TOX3: variants seen among roughly 807,000 people sequenced by gnomAD.
TOX3 encodes the protein TOX high mobility group box family member 3.
TOX3 carries 22 observed loss-of-function variants against 64.3 expected under a neutral mutation model. The ratio of observed to expected loss-of-function variants is 0.34; its 90% CI spans 0.24 to 0.49. The LOEUF (loss-of-function observed/expected upper bound fraction) is 0.49, where lower values mean the gene tolerates loss of function less well. Among genes scored for constraint, TOX3 ranks in the 20% least tolerant of loss-of-function variants. The pLI is 0.99. For missense variants in TOX3, 661 were observed against 714.4 expected (o/e 0.93, Z 0.85); for synonymous variants, 291 against 273.6 (o/e 1.06, Z -0.63).
chr16:52,470,825 C>T (rs1420547), intron 1 of TOX3, among the ~76,000 whole-genome samples: 81,742 of 151,996 alleles, frequency 0.54, 22,325 homozygotes, highest in East Asian at 0.78. Context: ...CAAAGCACTC[C>T]TTGCATATCT....
intron 5 of TOX3, 139 bp downstream of exon 5, chr16:52,445,855 T>A: frequency 3.7e-6 from 3 of 813,252 alleles, no homozygotes; most frequent in Non-Finnish European, 5.7e-6. Flanking sequence ...ATGTCTGGGT[T>A]TTTAAATTCC....
chr16:52,496,453 A>C (rs1961852143), intron 1 of TOX3, among the ~76,000 whole-genome samples: 1 of 152,250 alleles, frequency 6.6e-6, no homozygotes. Flanking sequence ...AGTTGGCAGA[A>C]GTTTAAAAAG....
At chr16:52,452,319 T>C (rs1447408354) in intron 3 of TOX3, among the ~76,000 whole-genome samples, 1 of 152,198 alleles carries the variant, frequency 6.6e-6, no homozygotes, top group Non-Finnish European at 1.5e-5. Flanking sequence ...TTCCCACCTA[T>C]GAGTGAGAAC....
At chr16:52,542,293 T>C (rs1409452730) in intron 1 of TOX3, among the ~76,000 whole-genome samples, 4 of 152,226 alleles carry the variant, frequency 2.6e-5, no homozygotes, top group Non-Finnish European at 5.9e-5. Flanking sequence ...ACTGTCCACA[T>C]AGTTGCATGT....
At chr16:52,468,871 G>A (rs1960947030) in intron 1 of TOX3, among the ~76,000 whole-genome samples, 1 of 152,152 alleles carries the variant, frequency 6.6e-6, no homozygotes, top group Non-Finnish European at 1.5e-5. Flanking sequence ...TTATTGACCT[G>A]GCATTTGTGA....
chr16:52,453,639 G>A (rs1288172070), intron 3 of TOX3, among the ~76,000 whole-genome samples: 1 of 152,154 alleles, frequency 6.6e-6, no homozygotes, highest in Non-Finnish European at 1.5e-5. Flanking sequence ...GTGATCATCT[G>A]ATTTATGCAG....
chr16:52,469,681 T>C (rs1960982592), intron 1 of TOX3, among the ~76,000 whole-genome samples: 1 of 152,110 alleles, frequency 6.6e-6, no homozygotes, highest in South Asian at 2.1e-4. Context: ...GATAAATGGG[T>C]AGGTACATAG....
intron 1 of TOX3, among the ~76,000 whole-genome samples, chr16:52,518,607 T>A (rs1199240095): frequency 6.6e-6 from 1 of 152,234 alleles, no homozygotes; most frequent in African/African-American, 2.4e-5. Context: ...ATATCAATAT[T>A]CTCATACAGA....
chr16:52,481,825 T>C (rs989382600), intron 1 of TOX3, among the ~76,000 whole-genome samples: 1 of 152,212 alleles, frequency 6.6e-6, no homozygotes, highest in Non-Finnish European at 1.5e-5. Context: ...TTTTACCAGA[T>C]GGGTGATCAT....
rs185712886 is a variant in TOX3 at position 52,450,179 on chromosome 16, A to G, written c.678+98T>C. 3.6e-5 allele frequency: 52 copies of G among 1,432,696 alleles called. No individual in the cohort carries two copies. In the African/African-American group the frequency reaches 4.8e-4, roughly 13 times the overall value. The allele number at this position is 1,432,696 out of a possible 1,614,324, so 88.7% of individuals were successfully genotyped here. On this transcript the variant is annotated intron_variant, in intron 4 of 6. Coordinates refer to ENST00000219746, the MANE Select transcript of TOX3 (RefSeq NM_001080430.4). ...TACATTTAAATGCTACTCCAAATCC[A>G]TGAAGACAAACAAGATAACACCATG... is the stretch of plus-strand genomic sequence containing the variant.
chr16:52,457,732 T>A lies in TOX3; in HGVS notation c.408+6202A>T, dbSNP rs1226995600. On this transcript the variant is annotated intron_variant, in intron 3 of 6. Transcript: ENST00000219746. The stretch of plus-strand genomic sequence containing the variant: ...TCAAATAGTTATGCATAGCTACTAC[T>A]TTTGTAACTCCAATGGACCCTGACA... Among the ~76,000 whole-genome samples the A allele has an allele frequency of 2.0e-5, 3 of 152,316 alleles. No homozygotes were observed. In the East Asian group the frequency reaches 5.8e-4, roughly 29 times the overall value.
chr16:52,513,388 A>C (rs1962362769), intron 1 of TOX3, among the ~76,000 whole-genome samples: 1 of 152,248 alleles, frequency 6.6e-6, no homozygotes, highest in Non-Finnish European at 1.5e-5. Flanking sequence ...GAAATCTCTA[A>C]GACTAGGCCT....
At chr16:52,493,659 C>A (rs985625513) in intron 1 of TOX3, among the ~76,000 whole-genome samples, 3 of 152,122 alleles carry the variant, frequency 2.0e-5, no homozygotes, top group Non-Finnish European at 4.4e-5. Flanking sequence ...TTATCCTACT[C>A]CATCACAGAA....
chr16:52,520,703 A>AT (rs757256884), intron 1 of TOX3, among the ~76,000 whole-genome samples: 1 of 152,216 alleles, frequency 6.6e-6, no homozygotes, highest in Non-Finnish European at 1.5e-5. Flanking sequence ...ACATGTGGAC[A>AT]TTTTTGTAGC....
At chr16:52,471,900 T>A (rs956004730) in intron 1 of TOX3, among the ~76,000 whole-genome samples, 2 of 152,160 alleles carry the variant, frequency 1.3e-5, no homozygotes, top group Non-Finnish European at 2.9e-5. Flanking sequence ...AGGTTATAGA[T>A]TCAACCACGG....
At position 52,471,725 on chromosome 16, in the gene TOX3, G is replaced by A. The variant is rs1384821509; in HGVS notation, c.88-3151C>T. 3.9e-5 allele frequency among the ~76,000 whole-genome samples: 6 copies of A among 152,256 alleles called. No individual in the cohort carries two copies. The South Asian group carries it at 1.2e-3, about 32-fold the overall frequency. ...TTCACTTACTTTTTAAAAGATGATA[G>A]GAATAAGTATTTAGCCCAGTGACAC... On this transcript the variant is annotated intron_variant, in intron 1 of 6. Transcript: ENST00000219746.
intron 1 of TOX3, among the ~76,000 whole-genome samples, chr16:52,528,986 T>C (rs1179933680): frequency 2.0e-5 from 3 of 152,234 alleles, no homozygotes; most frequent in Non-Finnish European, 2.9e-5. Context: ...TCAGGGATCA[T>C]GGGATTTACA....
intron 1 of TOX3, among the ~76,000 whole-genome samples, chr16:52,479,967 A>G (rs1961321366): frequency 6.6e-6 from 1 of 152,130 alleles, no homozygotes. Flanking sequence ...CCCCTCCCCT[A>G]GCTGGACTGG....
intron 1 of TOX3, among the ~76,000 whole-genome samples, chr16:52,496,617 C>G (rs1201594906): frequency 6.6e-6 from 1 of 152,218 alleles, no homozygotes; most frequent in Non-Finnish European, 1.5e-5. Flanking sequence ...TTCAGCTGCA[C>G]AAACAGATTT....
Sources: gnomAD v4.1 joint callset for allele counts (sites outside exome capture counted in the v4.1 genomes callset) on GRCh38, gnomAD v4.1.1 for gene constraint, MANE v1.5 for transcripts, NCBI Gene and HGNC (gene_info 2026-07-23, HGNC 2026-07-21) for gene names.